Variants in CDH8 observed in about 807,000 individuals in gnomAD.
The protein encoded by CDH8 is cadherin-8.
CDH8 carries 17 observed loss-of-function variants against 68.1 expected under a neutral mutation model. That is an observed-to-expected ratio of 0.25 (90% CI 0.17 to 0.37). CDH8 has a LOEUF of 0.37. Among genes scored for constraint, CDH8 ranks in the 10% least tolerant of loss-of-function variants. CDH8 has a pLI of 1.00. For missense variants in CDH8, 763 were observed against 999.3 expected (o/e 0.76, Z 3.19); for synonymous variants, 372 against 365.1 (o/e 1.02, Z -0.21).
rs1031903062 is a variant in CDH8, at chr16:61,753,415, T to C, written c.1415-26200A>G. On this transcript the variant is annotated intron_variant, in intron 8 of 11. Transcript: ENST00000577390. Reference sequence around the variant, plus strand: ...CCACCACGCCCATCTAATTTTTGTATTTGTAGTAGAGACAGCTTTTCACCA... The same window carrying C: ...CCACCACGCCCATCTAATTTTTGTACTTGTAGTAGAGACAGCTTTTCACCA... 3.9e-4 allele frequency among the ~76,000 whole-genome samples: 59 copies of C among 152,118 alleles called. No homozygotes were observed. In the South Asian group the frequency reaches 6.4e-3, roughly 17 times the overall value.
chr16:61,991,938 C>T (rs574763073), intron 2 of CDH8, among the ~76,000 whole-genome samples: 14 of 152,202 alleles, frequency 9.2e-5, no homozygotes, highest in Non-Finnish European at 2.1e-4. Flanking sequence ...TTGCTCTGAT[C>T]AGACAGCGGG....
chr16:61,825,726 T>A (rs981865248), intron 4 of CDH8, among the ~76,000 whole-genome samples: 16 of 151,970 alleles, frequency 1.1e-4, no homozygotes, highest in African/African-American at 3.9e-4. Flanking sequence ...TCTTAAGTTC[T>A]AATCTACTGT....
intron 2 of CDH8, among the ~76,000 whole-genome samples, chr16:62,004,094 C>T (rs935524769): frequency 5.3e-5 from 8 of 152,100 alleles, no homozygotes; most frequent in African/African-American, 1.2e-4. Flanking sequence ...AAAACTGTCT[C>T]GCTAATTGCA....
chr16:61,784,078 A>C (rs1961164323), intron 8 of CDH8, among the ~76,000 whole-genome samples: 1 of 151,296 alleles, frequency 6.6e-6, no homozygotes, highest in African/African-American at 2.4e-5. Context: ...TCAAATTCAC[A>C]CATAACAATA....
chr16:61,808,765 G>T (rs946780978), intron 7 of CDH8, among the ~76,000 whole-genome samples: 3 of 152,314 alleles, frequency 2.0e-5, no homozygotes, highest in Non-Finnish European at 2.9e-5. Flanking sequence ...CAACAGTCTT[G>T]TGTAGGGGGT....
At chr16:61,767,769 G>A (rs536935725) in intron 8 of CDH8, among the ~76,000 whole-genome samples, 2 of 151,996 alleles carry the variant, frequency 1.3e-5, no homozygotes, top group South Asian at 4.1e-4. Context: ...CAAGTTCTAA[G>A]AAGACAGTCA....
chr16:62,000,183 T>C (rs1167345655), intron 2 of CDH8, among the ~76,000 whole-genome samples: 1 of 152,234 alleles, frequency 6.6e-6, no homozygotes, highest in East Asian at 1.9e-4. Context: ...TGCCACATTT[T>C]CTTTATCCAG....
intron 3 of CDH8, among the ~76,000 whole-genome samples, chr16:61,874,677 T>G (rs1963430063): frequency 6.6e-6 from 1 of 152,182 alleles, no homozygotes; most frequent in Non-Finnish European, 1.5e-5. Flanking sequence ...TTTCAAATAT[T>G]ATCTCTGAAT....
rs150247799 is a variant in CDH8, at chr16:61,735,361, CAG to C, written c.1415-8148_1415-8147del. On this transcript the variant is annotated intron_variant, in intron 8 of 11. Coordinates refer to ENST00000577390, the MANE Select transcript of CDH8 (RefSeq NM_001796.5). ...ACAAATACCCTTTTGTCCTAGAAAA[CAG>C]AGATATGCGACATTAATGTGGTTGT... 6.2e-3 allele frequency among the ~76,000 whole-genome samples: 950 copies of C among 152,116 alleles called. 9 individuals carry two copies. The highest frequency in any genetic ancestry group is 0.022 in the African/African-American group (919 of 41,506).
chr16:61,966,572 G>T (rs756411348), intron 2 of CDH8, among the ~76,000 whole-genome samples: 26 of 151,868 alleles, frequency 1.7e-4, no homozygotes, highest in Non-Finnish European at 2.5e-4. Context: ...AGAATGAAAA[G>T]AATGTGGTTA....
chr16:61,712,070 A>C (rs1964641391), intron 10 of CDH8, among the ~76,000 whole-genome samples: 1 of 151,792 alleles, frequency 6.6e-6, no homozygotes, highest in Non-Finnish European at 1.5e-5. Flanking sequence ...TTTCAAAATA[A>C]AACAGATAAT....
At chr16:61,838,076 T>A (rs575974001) in intron 4 of CDH8, among the ~76,000 whole-genome samples, 1 of 133,476 alleles carries the variant, frequency 7.5e-6, no homozygotes, top group East Asian at 2.1e-4. Flanking sequence ...TCAAAATACA[T>A]CACAGCAGTG....
chr16:61,867,641 G>A (rs1963281068), intron 3 of CDH8, among the ~76,000 whole-genome samples: 1 of 152,062 alleles, frequency 6.6e-6, no homozygotes. Flanking sequence ...TTAGTAAAGG[G>A]TTTTAAACAA....
chr16:61,822,205 CTTTTTTTTTTTTTTTTTTTT>C (rs71707137), intron 5 of CDH8, among the ~76,000 whole-genome samples: 12 of 45,648 alleles, frequency 2.6e-4, no homozygotes, highest in South Asian at 1.8e-3. Flanking sequence ...AAAAACGCAC[CTTTTTTTTTTTTTTTTTTTT>C]TTTTTTTTTT....
At chr16:61,903,123 T>C (rs550443473) in intron 2 of CDH8, among the ~76,000 whole-genome samples, 6 of 152,340 alleles carry the variant, frequency 3.9e-5, no homozygotes, top group Middle Eastern at 3.4e-3. Flanking sequence ...CCACAAAACT[T>C]TGTTAATTAA....
chr16:61,776,058 G>A (rs1960891984), intron 8 of CDH8, among the ~76,000 whole-genome samples: 1 of 152,106 alleles, frequency 6.6e-6, no homozygotes, highest in African/African-American at 2.4e-5. Context: ...TGAGATGATA[G>A]GGAATGTAAG....
chr16:61,876,884 G>C (rs371033311), intron 3 of CDH8, among the ~76,000 whole-genome samples: 19 of 152,180 alleles, frequency 1.2e-4, no homozygotes, highest in Middle Eastern at 3.4e-3. Flanking sequence ...GTCAATAAGA[G>C]GTAGAAATGG....
chr16:61,781,208 C>T lies in CDH8; in HGVS notation c.1414+8138G>A, dbSNP rs28625846. On this transcript the variant is annotated intron_variant, in intron 8 of 11. Coordinates refer to ENST00000577390, the MANE Select transcript of CDH8 (RefSeq NM_001796.5). ...ATGAGTCTTTTGTTTCTGGATTGTC[C>T]TGAAATGTTTCTTAAGCCAAGCTCT... Among the ~76,000 whole-genome samples the T allele has an allele frequency of 8.0e-3, 1,221 of 152,230 alleles. 21 individuals are homozygous for T. Among genetic ancestry groups the T allele is most frequent in the African/African-American group, 0.028 (1,172 of 41,540 alleles).
intron 4 of CDH8, among the ~76,000 whole-genome samples, chr16:61,840,177 G>A (rs1962651947): frequency 6.6e-6 from 1 of 152,016 alleles, no homozygotes; most frequent in Non-Finnish European, 1.5e-5. Context: ...CCTAAGCTTA[G>A]AATCCCAACA....
Sources: gnomAD v4.1 joint callset for allele counts (sites outside exome capture counted in the v4.1 genomes callset) on GRCh38, gnomAD v4.1.1 for gene constraint, MANE v1.5 for transcripts, NCBI Gene and HGNC (gene_info 2026-07-23, HGNC 2026-07-21) for gene names.